The following ACOT7 variants were observed in gnomAD, a reference collection of about 807,000 sequenced individuals.
ACOT7 encodes the protein acyl-CoA thioesterase 7, also known as cytosolic acyl coenzyme A thioester hydrolase.
In ACOT7, 12 loss-of-function variants were observed where a neutral mutation model predicts 40.2. The observed-to-expected ratio is 0.30, with a 90% CI of 0.19 to 0.48. ACOT7 has a LOEUF of 0.48. Among genes scored for constraint, ACOT7 ranks in the 20% least tolerant of loss-of-function variants. ACOT7 has a pLI of 0.99. For synonymous variants in ACOT7, 228 were observed against 219.5 expected (o/e 1.04, Z -0.34); for missense variants, 395 against 530.8 (o/e 0.74, Z 2.51).
At chr1:6,369,905 T>C (rs1571348486) in intron 1 of ACOT7, among the ~76,000 whole-genome samples, 1 of 152,192 alleles carries the variant, frequency 6.6e-6, no homozygotes, top group African/African-American at 2.4e-5. Context: ...TCAAGATTAC[T>C]CCTTGATCCA....
At chr1:6,385,620 T>G (rs746634199) in intron 1 of ACOT7, 1 of 1,612,360 alleles carries the variant, frequency 6.2e-7, no homozygotes, top group Non-Finnish European at 8.5e-7. Context: ...GGAAGATGCC[T>G]GCCTCCCAAA....
chr1:6,357,277 A>G (rs1641771856), intron 1 of ACOT7, among the ~76,000 whole-genome samples: 1 of 152,092 alleles, frequency 6.6e-6, no homozygotes, highest in Non-Finnish European at 1.5e-5. Context: ...AAACATTACT[A>G]CGTGAAACCC....
chr1:6,264,579 G>A lies in ACOT7; in HGVS notation c.*18C>T. ...GTTGCCATGGCTACTCGAGGCACCA[G>A]TGGCAGGAGGAGGGAGTCTAGGGCT... On this transcript the variant is annotated 3_prime_UTR_variant, in exon 9 of 9. Transcript: ENST00000361521. 1 of 1,606,320 alleles carries A rather than the reference G, an allele frequency of 6.2e-7. No individual in the cohort carries two copies. The highest frequency in any genetic ancestry group is 8.5e-7 in the Non-Finnish European group (1 of 1,176,804).
intron 6 of ACOT7, among the ~76,000 whole-genome samples, chr1:6,303,398 T>C (rs952465831): frequency 1.3e-5 from 2 of 152,218 alleles, no homozygotes; most frequent in African/African-American, 2.4e-5. Flanking sequence ...AATTGTAACA[T>C]TTAACTGCTT....
At chr1:6,371,437 A>T (rs1319335071) in intron 1 of ACOT7, among the ~76,000 whole-genome samples, 3 of 149,748 alleles carry the variant, frequency 2.0e-5, no homozygotes, top group Non-Finnish European at 4.4e-5. Context: ...ATCTTGGCTC[A>T]CTGCAACCTC....
In ACOT7 at chr1:6,327,338, A is replaced by C. The variant is rs1356797708; in HGVS notation, c.586T>G (p.Trp196Gly). The C allele has an allele frequency of 6.8e-6, 11 of 1,614,110 alleles. No individual in the cohort carries two copies. Among genetic ancestry groups the C allele is most frequent in the Non-Finnish European group, 8.5e-6 (10 of 1,180,028 alleles). ...AQKLERMETK[W>G]RNGDIVQPVL... ...GGCTGGACGATGTCCCCGTTCCTCC[A>C]CTTGGTCTCCATGCGCTCCAGCTTC... Residue 196 changes from tryptophan (W) to glycine (G), a missense_variant, in exon 5 of 9, where the codon TGG becomes GGG. Physicochemically the swap from Trp to Gly is radical, Grantham distance 184. Coordinates refer to ENST00000361521, the MANE Select transcript of ACOT7 (RefSeq NM_007274.4).
chr1:6,326,099 G>A (rs1434376855), intron 5 of ACOT7, among the ~76,000 whole-genome samples: 1 of 152,164 alleles, frequency 6.6e-6, no homozygotes, highest in African/African-American at 2.4e-5. Context: ...CATCCCGCAT[G>A]AGGTACCCTG....
Position 6,393,399 on chromosome 1 carries a change from TA to T in ACOT7, c.-1del. On this transcript the variant is annotated 5_prime_UTR_variant, in exon 1 of 9. Transcript: ENST00000361521. ...GAATGAATGAGCCCGGGCCGCGCCA[TA>T]AAGGGGGAGGGCAGAGGTGGAGCGA... is the stretch of plus-strand genomic sequence containing the variant. 1 of 1,227,428 alleles carries T rather than the reference TA, an allele frequency of 8.1e-7. No individual in the cohort carries two copies. 76.0% of individuals were successfully genotyped at this position (1,227,428 alleles called of 1,614,324 possible). A position where few individuals can be genotyped will look rare whatever the true frequency, so the allele number is the denominator to read the frequency against.
chr1:6,276,785 C>A (rs1639204852), intron 8 of ACOT7, among the ~76,000 whole-genome samples: 1 of 152,220 alleles, frequency 6.6e-6, no homozygotes, highest in Non-Finnish European at 1.5e-5. Flanking sequence ...TTTCTATCAA[C>A]ATCAACATTG....
At chr1:6,325,747 G>C (rs540771077) in intron 5 of ACOT7, among the ~76,000 whole-genome samples, 1 of 152,174 alleles carries the variant, frequency 6.6e-6, no homozygotes, top group Non-Finnish European at 1.5e-5. Context: ...CAGCAGCCAA[G>C]CCCAGAAAGC....
intron 2 of ACOT7, among the ~76,000 whole-genome samples, chr1:6,349,441 G>A (rs114135324): frequency 0.017 from 2,661 of 152,304 alleles, 70 homozygotes; most frequent in African/African-American, 0.061. Context: ...CCACGGAGGC[G>A]GGGCATGCTT....
intron 1 of ACOT7, among the ~76,000 whole-genome samples, chr1:6,350,440 TTG>T (rs1641559323): frequency 6.6e-6 from 1 of 152,160 alleles, no homozygotes; most frequent in Non-Finnish European, 1.5e-5. Context: ...AGGCCCTGGA[TTG>T]AAGGCAAGGA....
chr1:6,312,758 G>A (rs767017942), intron 6 of ACOT7, among the ~76,000 whole-genome samples: 42 of 152,280 alleles, frequency 2.8e-4, no homozygotes, highest in Non-Finnish European at 5.3e-4. Context: ...GTGAGCCACC[G>A]CACCTGGCCG....
rs1279431931 is a variant in ACOT7, at chr1:6,358,092, C to G, written c.144-8226G>C. Among the ~76,000 whole-genome samples, 2 of 152,088 alleles carry G rather than the reference C, an allele frequency of 1.3e-5. No homozygotes were observed. The highest frequency in any genetic ancestry group is 2.9e-5 in the Non-Finnish European group (2 of 68,022). ...CCATGTTGGCCAGGCTGGTCTCAAA[C>G]TCCTGACCTCAGTTGATCCACCTGC... On this transcript the variant is annotated intron_variant, in intron 1 of 8. Transcript: ENST00000361521. This position sits in a 1 kb window ranked among gnomAD's most constrained non-coding sequence, Gnocchi z 4.1.
Position 6,355,586 on chromosome 1 carries a change from A to C in ACOT7, c.144-5720T>G, listed in dbSNP as rs892956896. Among the ~76,000 whole-genome samples the C allele has an allele frequency of 6.6e-6, 1 of 152,214 alleles. No homozygotes were observed. Among genetic ancestry groups the C allele is most frequent in the African/African-American group, 2.4e-5 (1 of 41,448 alleles). The stretch of plus-strand genomic sequence containing the variant: ...GAGGTGTGACAAACCAGAGGCCTCC[A>C]TGGCCCCCAGAGGAAGAAACTAGCT... On this transcript the variant is annotated intron_variant, in intron 1 of 8. Coordinates refer to ENST00000361521, the MANE Select transcript of ACOT7 (RefSeq NM_007274.4). The surrounding 1 kb of genome is among the most constrained non-coding windows in gnomAD (Gnocchi z 5.0).
intron 5 of ACOT7, among the ~76,000 whole-genome samples, chr1:6,324,975 C>T (rs563598229): frequency 5.9e-5 from 9 of 152,348 alleles, no homozygotes; most frequent in South Asian, 2.1e-4. Context: ...TCCTTACAGC[C>T]GGTGTCTGAC....
rs978522975 is a variant in ACOT7 at position 6,355,936 on chromosome 1, C to A, written c.144-6070G>T. Among the ~76,000 whole-genome samples the A allele has an allele frequency of 5.9e-5, 9 of 152,262 alleles. No homozygotes were observed. The East Asian group carries it at 1.7e-3, about 29-fold the overall frequency. ...TGAGGGCTGGCCATGCCTCCTGTGC[C>A]CTGGGGTCCTCTCAAGGTGGAGTCC... On this transcript the variant is annotated intron_variant, in intron 1 of 8. Coordinates refer to ENST00000361521, the MANE Select transcript of ACOT7 (RefSeq NM_007274.4). This position sits in a 1 kb window ranked among gnomAD's most constrained non-coding sequence, Gnocchi z 5.0.
At chr1:6,367,910 G>A (rs1391470530) in intron 1 of ACOT7, among the ~76,000 whole-genome samples, 2 of 152,202 alleles carry the variant, frequency 1.3e-5, no homozygotes, top group Non-Finnish European at 2.9e-5. Context: ...AGACAAAGAG[G>A]AGCTTTATTG....
chr1:6,273,123 A>C (rs1461157475), intron 8 of ACOT7, among the ~76,000 whole-genome samples: 1 of 152,240 alleles, frequency 6.6e-6, no homozygotes, highest in Non-Finnish European at 1.5e-5. Flanking sequence ...CAGTGGCATC[A>C]GAAGAGCTAC....
Sources: allele counts gnomAD v4.1 joint callset (sites outside exome capture counted in the v4.1 genomes callset), GRCh38; gene constraint gnomAD v4.1.1; non-coding constraint Gnocchi (gnomAD v3.1); transcripts MANE v1.5; gene names NCBI Gene and HGNC (gene_info 2026-07-23, HGNC 2026-07-21).